Variants in FLT3LG observed in about 807,000 individuals in gnomAD.
FLT3LG encodes fms related receptor tyrosine kinase 3 ligand.
FLT3LG carries 8 observed loss-of-function variants against 30.9 expected under a neutral mutation model. That is an observed-to-expected ratio of 0.26 (90% CI 0.15 to 0.47). FLT3LG has a LOEUF of 0.47. Ranked by LOEUF, FLT3LG falls within the 20% of genes least tolerant of loss-of-function variation. FLT3LG has a pLI of 0.99. For missense variants in FLT3LG, 278 were observed against 306.2 expected, an observed-to-expected ratio of 0.91 and a Z score of 0.69; for synonymous variants, 123 against 135.9, an observed-to-expected ratio of 0.91 and a Z score of 0.66.
intron 8 of FLT3LG, among the ~76,000 whole-genome samples, chr19:49,483,967 C>A (rs1406804910): frequency 6.6e-6 from 1 of 150,836 alleles, no homozygotes; most frequent in Non-Finnish European, 1.5e-5. Flanking sequence ...TCACTGCAAC[C>A]TCCGCCTCCC....
In FLT3LG at chr19:49,480,448, G is replaced by T; in HGVS notation, c.632G>T (p.Arg211Leu). Reference protein sequence around the residue: ...AAWCLHWQRTRRRTPRPGEQV... With the variant: ...AAWCLHWQRTLRRTPRPGEQV... ...TGGTGCCTGCACTGGCAGAGGACGCGGCGGAGGACACCCCGCCCTGGGGAG... is the reference window on the plus strand; with the variant it reads ...TGGTGCCTGCACTGGCAGAGGACGCTGCGGAGGACACCCCGCCCTGGGGAG... Residue 211 changes from arginine to leucine, a missense_variant, in exon 7 of 9, where the codon CGG (arginine) becomes CTG (leucine). Coordinates refer to ENST00000597551, the MANE Select transcript of FLT3LG (RefSeq NM_001459.4). 2 of 1,592,590 alleles carry T rather than the reference G, an allele frequency of 1.3e-6. No homozygotes were observed. Among genetic ancestry groups the T allele is most frequent in the Non-Finnish European group, 1.7e-6 (2 of 1,170,086 alleles).
chr19:49,476,383 G>A lies in FLT3LG; in HGVS notation c.199-40G>A, dbSNP rs1486953202. ...CCTCCCTCAGACCCAGCAGCCCCGT[G>A]CCCAGCTCCTCCCTCAGACCCGTGG... On this transcript the variant is annotated intron_variant, in intron 4 of 8. Transcript: ENST00000597551. The surrounding 1 kb of genome is among the most constrained non-coding windows in gnomAD (Gnocchi z 5.3). The A allele has an allele frequency of 3.1e-6, 5 of 1,590,732 alleles. No individual in the cohort carries two copies. The highest frequency in any genetic ancestry group is 4.3e-6 in the Non-Finnish European group (5 of 1,167,096).
intron 6 of FLT3LG, among the ~76,000 whole-genome samples, chr19:49,479,498 CTTT>C (rs1177717575): frequency 5.2e-5 from 5 of 96,038 alleles, no homozygotes; most frequent in Admixed American, 1.1e-4. Flanking sequence ...CCCAGCCTAC[CTTT>C]TTTTTTTTTT....
At position 49,476,093 on chromosome 19, in the gene FLT3LG, A is replaced by G. The variant is rs769517765; in HGVS notation, c.145-52A>G. 7 of 1,605,100 alleles carry G rather than the reference A, an allele frequency of 4.4e-6. No homozygotes were observed. In the South Asian group the frequency reaches 6.6e-5, roughly 15 times the overall value. Reference sequence around the variant, plus strand: ...TCTGCTGCCACCTCTGGGTCCCCACAGTTCTGTTTCTCGCTGTTTTCAGCC... The same window carrying G: ...TCTGCTGCCACCTCTGGGTCCCCACGGTTCTGTTTCTCGCTGTTTTCAGCC... On this transcript the variant is annotated intron_variant, in intron 3 of 8. Coordinates refer to ENST00000597551, the MANE Select transcript of FLT3LG (RefSeq NM_001459.4). The surrounding 1 kb of genome is among the most constrained non-coding windows in gnomAD (Gnocchi z 5.3).
chr19:49,476,976 G>A lies in FLT3LG; in HGVS notation c.342+410G>A, dbSNP rs1028454732. Among the ~76,000 whole-genome samples the A allele has an allele frequency of 1.3e-5, 2 of 151,570 alleles. No homozygotes were observed. The highest frequency in any genetic ancestry group is 2.9e-5 in the Non-Finnish European group (2 of 67,878). ...AGCCTGGCCAACATGATGAAATCCC[G>A]GCTGTACTAAAAATACAAAAATTAG... On this transcript the variant is annotated intron_variant, in intron 5 of 8. Transcript: ENST00000597551. The surrounding 1 kb of genome is among the most constrained non-coding windows in gnomAD (Gnocchi z 5.3).
chr19:49,474,590 T>C lies in FLT3LG; in HGVS notation c.-37-13T>C. Reference sequence around the variant, plus strand: ...CATGAGGGTCCGAGACTTGTTCTTCTGTCCCTTCCAAGACCCGGCGACAGG... The same window carrying C: ...CATGAGGGTCCGAGACTTGTTCTTCCGTCCCTTCCAAGACCCGGCGACAGG... On this transcript the variant is annotated splice_polypyrimidine_tract_variant and intron_variant, in intron 1 of 8. Coordinates refer to ENST00000597551, the MANE Select transcript of FLT3LG (RefSeq NM_001459.4). 2 of 1,602,746 alleles carry C rather than the reference T, an allele frequency of 1.2e-6. No individual in the cohort carries two copies. The highest frequency in any genetic ancestry group is 1.7e-6 in the Non-Finnish European group (2 of 1,172,968).
In FLT3LG at chr19:49,476,348, C is replaced by T. The variant is rs1419092105; in HGVS notation, c.199-75C>T. The T allele has an allele frequency of 1.3e-6, 2 of 1,538,688 alleles. No individual in the cohort carries two copies. The highest frequency in any genetic ancestry group is 1.8e-6 in the Non-Finnish European group (2 of 1,124,330). On this transcript the variant is annotated intron_variant, in intron 4 of 8. Transcript: ENST00000597551. This position sits in a 1 kb window ranked among gnomAD's most constrained non-coding sequence, Gnocchi z 5.3. ...CCTCCCTCAGACCCAGGAGCCCCGG[C>T]CCAGCCCCTCCTCCCTCAGACCCAG...
chr19:49,482,099 G>A (rs1488071500), intron 8 of FLT3LG: 1 of 151,860 alleles, frequency 6.6e-6, no homozygotes, highest in Non-Finnish European at 1.5e-5. Flanking sequence ...ACAGCTCAAG[G>A]GTGACAACCA....
At chr19:49,480,040 G>C (rs1042391355) in intron 6 of FLT3LG, among the ~76,000 whole-genome samples, 10 of 151,024 alleles carry the variant, frequency 6.6e-5, no homozygotes, top group African/African-American at 2.4e-4. Context: ...CTGACCTCAA[G>C]TGATCCACCC....
intron 6 of FLT3LG, chr19:49,479,811 T>C (rs12459169): frequency 0.032 from 4,032 of 127,718 alleles, 188 homozygotes; most frequent in Admixed American, 0.12. Context: ...CAGCCTATTG[T>C]TTTTTTTTTC....
intron 8 of FLT3LG, among the ~76,000 whole-genome samples, chr19:49,484,766 A>G (rs1208061009): frequency 2.0e-5 from 3 of 152,150 alleles, no homozygotes; most frequent in South Asian, 2.1e-4. Flanking sequence ...AAGTGATAGG[A>G]TTACAGCCAT....
In FLT3LG at chr19:49,480,244, C is replaced by G. The variant is rs548390202; in HGVS notation, c.482-54C>G. The G allele has an allele frequency of 1.5e-4, 203 of 1,357,600 alleles. 4 individuals carry two copies. The South Asian group carries it at 1.8e-3, about 12-fold the overall frequency. 84.1% of individuals were successfully genotyped at this position (1,357,600 alleles called of 1,614,324 possible). A position where few individuals can be genotyped will look rare whatever the true frequency, so the allele number is the denominator to read the frequency against. On this transcript the variant is annotated intron_variant, in intron 6 of 8. Transcript: ENST00000597551. ...GCCAGTGGCAGCCAGGCCTCTCTTT[C>G]CTTCCTTACCCCAGCCCTTCTCCTT...
Position 49,478,947 on chromosome 19 carries a change from C to A in FLT3LG, c.381C>A (p.Ile127=), listed in dbSNP as rs369589648. 2.6e-6 allele frequency: 4 copies of A among 1,566,958 alleles called. 1 individual carries two copies. The highest frequency in any genetic ancestry group is 2.7e-5 in the African/African-American group (2 of 73,162). The part of the protein sequence containing the change: ...PSCLRFVQTN[I]SRLLQETSEQ... ...GTCTTCGCTTCGTCCAGACCAACAT[C>A]TCCCGCCTCCTGCAGGAGACCTCCG... is the stretch of plus-strand genomic sequence containing the variant. The change falls in exon 6 of 9, where the codon ATC becomes ATA. Residue 127 remains isoleucine (I), a synonymous_variant. Coordinates refer to ENST00000597551, the MANE Select transcript of FLT3LG (RefSeq NM_001459.4).
chr19:49,474,841 GGGGGAGATGGACAGAGGAT>G (rs1256831689), intron 2 of FLT3LG, among the ~76,000 whole-genome samples, 169 bp downstream of exon 2: 14 of 145,144 alleles, frequency 9.6e-5, no homozygotes, highest in Admixed American at 2.1e-4. Context: ...GGACAGAGGA[GGGGGAGATGGACAGAGGAT>G]GGGGAGATGG....
At chr19:49,484,279 T>G (rs1368053472) in intron 8 of FLT3LG, among the ~76,000 whole-genome samples, 1 of 147,672 alleles carries the variant, frequency 6.8e-6, no homozygotes, top group Admixed American at 6.7e-5. Context: ...AAATTTATTT[T>G]TTATTATAAT....
rs376987353 is a variant in FLT3LG, at chr19:49,480,362, G to A, written c.546G>A (p.Pro182=). 65 of 1,610,216 alleles carry A rather than the reference G, an allele frequency of 4.0e-5. No individual in the cohort carries two copies. The highest frequency in any genetic ancestry group is 5.3e-5 in the Non-Finnish European group (62 of 1,178,496). ...TGGAGGCCACAGCCCCGACAGCCCC[G>A]CAGCCCCCTCTGCTCCTCCTACTGC... ...RPLEATAPTA[P]QPPLLLLLLL... Residue 182 remains proline, a synonymous_variant, in exon 7 of 9, where the codon CCG becomes CCA. Transcript: ENST00000597551.
At chr19:49,478,442 G>C (rs1471535667) in intron 5 of FLT3LG, among the ~76,000 whole-genome samples, 1 of 151,560 alleles carries the variant, frequency 6.6e-6, no homozygotes, top group African/African-American at 2.4e-5. Flanking sequence ...ACTCCAGCCT[G>C]GGCAACAGAG....
intron 8 of FLT3LG, among the ~76,000 whole-genome samples, chr19:49,483,760 G>A (rs2122575948): frequency 6.8e-6 from 1 of 146,422 alleles, no homozygotes; most frequent in East Asian, 2.1e-4. Flanking sequence ...TAGAATCCCA[G>A]TTGCTATCTC....
Position 49,474,605 on chromosome 19 carries a change from C to T in FLT3LG, c.-35C>T, listed in dbSNP as rs2079307593. 6.2e-7 allele frequency: 1 copy of T among 1,611,118 alleles called. No homozygotes were observed. The highest frequency in any genetic ancestry group is 8.5e-7 in the Non-Finnish European group (1 of 1,178,938). Reference sequence around the variant, plus strand: ...CTTGTTCTTCTGTCCCTTCCAAGACCCGGCGACAGGAGGCATGAGGGGCCC... The same window carrying T: ...CTTGTTCTTCTGTCCCTTCCAAGACTCGGCGACAGGAGGCATGAGGGGCCC... On this transcript the variant is annotated splice_region_variant and 5_prime_UTR_variant, in exon 2 of 9. Coordinates refer to ENST00000597551, the MANE Select transcript of FLT3LG (RefSeq NM_001459.4).
Sources: allele counts gnomAD v4.1 joint callset (sites outside exome capture counted in the v4.1 genomes callset), GRCh38; gene constraint gnomAD v4.1.1; non-coding constraint Gnocchi (gnomAD v3.1); transcripts MANE v1.5; gene names NCBI Gene and HGNC (gene_info 2026-07-23, HGNC 2026-07-21).